The following FAM20A variants were observed in gnomAD, a reference collection of about 807,000 sequenced individuals.
FAM20A encodes FAM20A golgi associated secretory pathway pseudokinase, also known as pseudokinase FAM20A.
In FAM20A, 42 loss-of-function variants were observed where a neutral mutation model predicts 52.0. The ratio of observed to expected loss-of-function variants is 0.81; its 90% confidence interval spans 0.63 to 1.04. FAM20A has a LOEUF of 1.04. FAM20A is among the 50% of genes least tolerant of loss of function. The probability of loss-of-function intolerance (pLI) is 0.00; values close to 1 mark genes in which losing one functional copy is unlikely to be tolerated. For synonymous variants in FAM20A, 304 were observed against 298.9 expected (o/e 1.02, Z -0.18); for missense variants, 742 against 712.7 (o/e 1.04, Z -0.47).
At chr17:68,540,617 G>A (rs1350902924) in intron 8 of FAM20A, 1 of 628,216 alleles carries the variant, frequency 1.6e-6, no homozygotes, top group East Asian at 3.4e-5. Context: ...CCGTGGCAGG[G>A]TGAGATGCCT....
At chr17:68,546,214 CAA>C (rs2086558299) in intron 4 of FAM20A, among the ~76,000 whole-genome samples, 1 of 145,492 alleles carries the variant, frequency 6.9e-6, no homozygotes, top group African/African-American at 2.6e-5. Context: ...TCTATCTGTT[CAA>C]GTTTGATCAT....
intron 4 of FAM20A, chr17:68,551,156 C>G: frequency 1.6e-6 from 2 of 1,229,776 alleles, no homozygotes; most frequent in Non-Finnish European, 2.0e-6. Flanking sequence ...GAGACCCTAA[C>G]CTGTGGGCTG....
chr17:68,595,636 T>C (rs1269217841), intron 1 of FAM20A, among the ~76,000 whole-genome samples: 1 of 145,868 alleles, frequency 6.9e-6, no homozygotes, highest in Admixed American at 6.7e-5. Flanking sequence ...CTTCCTGTCT[T>C]AGCTTAGCAT....
chr17:68,571,737 C>G (rs2087540170), intron 1 of FAM20A, among the ~76,000 whole-genome samples: 1 of 151,768 alleles, frequency 6.6e-6, no homozygotes, highest in South Asian at 2.1e-4. Context: ...TCATACTGTT[C>G]TATTTCTCCT....
At chr17:68,593,640 A>G (rs2143927684) in intron 1 of FAM20A, among the ~76,000 whole-genome samples, 1 of 152,366 alleles carries the variant, frequency 6.6e-6, no homozygotes, top group East Asian at 1.9e-4. Flanking sequence ...TTCAAAGAAG[A>G]TAACAGGCCA....
chr17:68,556,171 A>G (rs1220955874), intron 1 of FAM20A, among the ~76,000 whole-genome samples: 7 of 152,162 alleles, frequency 4.6e-5, no homozygotes, highest in Non-Finnish European at 7.3e-5. Context: ...AAAGAATCAG[A>G]AGATAGAGGA....
rs145825849 is a variant in FAM20A at position 68,542,056 on chromosome 17, G to A, written c.1038C>T (p.Ser346=). 4.2e-5 allele frequency: 68 copies of A among 1,614,178 alleles called. No individual in the cohort carries two copies. In the African/African-American group the frequency reaches 8.7e-4, roughly 21 times the overall value. Residue 346 remains serine (S), a synonymous_variant, in exon 7 of 11, where the codon TCC becomes TCT. Coordinates refer to ENST00000592554, the MANE Select transcript of FAM20A (RefSeq NM_017565.4). Reference sequence around the variant, plus strand: ...CAGACAGCCTGGGGGCCAGGTTGAGGGACGGCAGGAAGGCAGAGAGGGAAC... The same window carrying A: ...CAGACAGCCTGGGGGCCAGGTTGAGAGACGGCAGGAAGGCAGAGAGGGAAC... ...LEGSLSAFLP[S]LNLAPRLSVP...
chr17:68,541,922 C>T (rs1160237794), intron 7 of FAM20A, 63 bp downstream of exon 7: 1 of 1,544,794 alleles, frequency 6.5e-7, no homozygotes. Context: ...AGCAACAAGT[C>T]CCTGGTACAG....
At chr17:68,560,310 A>C (rs1422003922) in intron 1 of FAM20A, among the ~76,000 whole-genome samples, 1 of 148,298 alleles carries the variant, frequency 6.7e-6, no homozygotes, top group Non-Finnish European at 1.5e-5. Flanking sequence ...ACGCCACTGC[A>C]CTCTGGCCTG....
At chr17:68,584,008 A>C (rs933088877) in intron 1 of FAM20A, among the ~76,000 whole-genome samples, 1 of 151,660 alleles carries the variant, frequency 6.6e-6, no homozygotes, top group Non-Finnish European at 1.5e-5. Flanking sequence ...ACTCAAACCA[A>C]TTCAACCCTT....
rs1248494356 is a variant in FAM20A at position 68,539,317 on chromosome 17, T to C, written c.1361+20A>G. On this transcript the variant is annotated intron_variant, in intron 10 of 10. Coordinates refer to ENST00000592554, the MANE Select transcript of FAM20A (RefSeq NM_017565.4). ...TCACAACTGTTACTTGCCCGTATTA[T>C]CTGCTGCAGGAAAACTTACATGCAG... is the stretch of plus-strand genomic sequence containing the variant. The C allele has an allele frequency of 1.9e-6, 3 of 1,613,736 alleles. No individual in the cohort carries two copies. Among genetic ancestry groups the C allele is most frequent in the Admixed American group, 1.7e-5 (1 of 60,012 alleles).
chr17:68,581,024 AC>A (rs1331113199), intron 1 of FAM20A, among the ~76,000 whole-genome samples: 1 of 152,178 alleles, frequency 6.6e-6, no homozygotes, highest in African/African-American at 2.4e-5. Flanking sequence ...AGACCAAAAA[AC>A]TTTTGTATAA....
Position 68,537,144 on chromosome 17 carries a change from T to G in FAM20A, c.*333A>C. ...GGTATCCACTTGATGTCCTTTTATT[T>G]GACTTGTTACCATTAGTACTCTCCT... On this transcript the variant is annotated 3_prime_UTR_variant, in exon 11 of 11. Transcript: ENST00000592554. The surrounding 1 kb of genome is among the most constrained non-coding windows in gnomAD (Gnocchi z 4.2). 1 of 507,114 alleles carries G rather than the reference T, an allele frequency of 2.0e-6. No homozygotes were observed. The highest frequency in any genetic ancestry group is 1.5e-5 in the South Asian group (1 of 64,968). 31.4% of individuals were successfully genotyped at this position (507,114 alleles called of 1,614,324 possible). A position where few individuals can be genotyped will look rare whatever the true frequency, so the allele number is the denominator to read the frequency against.
At position 68,600,533 on chromosome 17, in the gene FAM20A, G is replaced by A. The variant is rs376821996; in HGVS notation, c.134C>T (p.Pro45Leu). The A allele has an allele frequency of 5.1e-6, 8 of 1,563,658 alleles. No homozygotes were observed. Among genetic ancestry groups the A allele is most frequent in the African/African-American group, 1.4e-5 (1 of 73,708 alleles). ...LRPRERPRGC[P>L]CTGRASSLAR... ...CAGGGAGGAGGCGCGGCCGGTGCAC[G>A]GGCACCCCCGCGGGCGCTCCCGAGG... Residue 45 changes from proline (P) to leucine (L), a missense_variant, in exon 1 of 11, where the codon CCG becomes CTG. By Grantham distance (98) the Pro-to-Leu change is moderately conservative (BLOSUM62 -3). Coordinates refer to ENST00000592554, the MANE Select transcript of FAM20A (RefSeq NM_017565.4). This position sits in a 1 kb window ranked among gnomAD's most constrained non-coding sequence, Gnocchi z 6.2.
At position 68,551,129 on chromosome 17, in the gene FAM20A, C is replaced by CT. The variant is rs2086816185; in HGVS notation, c.719+743dup. On this transcript the variant is annotated intron_variant, in intron 4 of 10. Transcript: ENST00000592554. ...AGGAGCATTCCCCTGGGCTAAGGCA[C>CT]TGGGGCCGAACTCTAGGAGACCCTA... 3 of 1,234,258 alleles carry CT rather than the reference C, an allele frequency of 2.4e-6. No homozygotes were observed. The South Asian group carries it at 1.2e-4, about 51-fold the overall frequency. 76.5% of individuals were successfully genotyped at this position (1,234,258 alleles called of 1,614,324 possible). A position where few individuals can be genotyped will look rare whatever the true frequency, so the allele number is the denominator to read the frequency against.
intron 1 of FAM20A, among the ~76,000 whole-genome samples, chr17:68,575,502 G>GATATTATATATTTTAT (rs1555830290): frequency 0.2 from 17,013 of 86,518 alleles, 2,236 homozygotes; most frequent in East Asian, 0.41. Context: ...ATAGATATTA[G>GATATTATATATTTTAT]ATATTATATA....
chr17:68,554,396 C>T (rs750104540), intron 3 of FAM20A, among the ~76,000 whole-genome samples: 8 of 152,116 alleles, frequency 5.3e-5, no homozygotes, highest in East Asian at 1.9e-4. Context: ...CCACTGAGCC[C>T]GGCTGATTCT....
intron 4 of FAM20A, among the ~76,000 whole-genome samples, chr17:68,545,425 G>A (rs556405200): frequency 9.8e-5 from 15 of 152,296 alleles, no homozygotes; most frequent in Middle Eastern, 3.4e-3. Flanking sequence ...TAAAAGTTAC[G>A]TTTCATTATA....
chr17:68,538,127 A>C (rs950989586), intron 10 of FAM20A, among the ~76,000 whole-genome samples: 10 of 152,248 alleles, frequency 6.6e-5, no homozygotes, highest in Non-Finnish European at 1.5e-5. Context: ...TTGCTGTCTC[A>C]AAATCCCCCA....
Sources: allele counts gnomAD v4.1 joint callset (sites outside exome capture counted in the v4.1 genomes callset), GRCh38; gene constraint gnomAD v4.1.1; non-coding constraint Gnocchi (gnomAD v3.1); transcripts MANE v1.5; gene names NCBI Gene and HGNC (gene_info 2026-07-23, HGNC 2026-07-21).